Variants in RAB37 observed in about 807,000 individuals in gnomAD.
RAB37 encodes RAB37, member RAS oncogene family.
A neutral mutation model predicts 33.1 loss-of-function variants in RAB37; 29 were observed. That is an observed-to-expected ratio of 0.88 (90% CI 0.65 to 1.20). The LOEUF is 1.20. Ranked by LOEUF, RAB37 falls within the 50% of genes most tolerant of loss-of-function variation. The pLI, the probability that RAB37 is intolerant of heterozygous loss-of-function variation, is 0.00. For missense variants in RAB37, 299 were observed against 301.1 expected (o/e 0.99, Z 0.05); for synonymous variants, 128 against 119.5 (o/e 1.07, Z -0.47).
At chr17:74,698,528 C>A in intron 1 of RAB37, 1 of 1,568,242 alleles carries the variant, frequency 6.4e-7, no homozygotes. Flanking sequence ...TCACCACCTG[C>A]CTCTCAGCCC....
At chr17:74,737,389 C>G (rs1285438742) in intron 1 of RAB37, 24 bp downstream of exon 1, 1 of 1,538,684 alleles carries the variant, frequency 6.5e-7, no homozygotes, top group Non-Finnish European at 8.7e-7. Flanking sequence ...TTCCGTGAGA[C>G]CCCCGCCCTC....
Position 74,738,802 on chromosome 17 carries a change from C to T in RAB37, c.93+1437C>T, listed in dbSNP as rs1378026634. Among the ~76,000 whole-genome samples, 7 of 152,306 alleles carry T rather than the reference C, an allele frequency of 4.6e-5. No individual in the cohort carries two copies. In the East Asian group the frequency reaches 1.4e-3, roughly 29 times the overall value. On this transcript the variant is annotated intron_variant, in intron 1 of 8. Coordinates refer to ENST00000392613, the MANE Select transcript of RAB37 (RefSeq NM_001006638.3). This position sits in a 1 kb window ranked among gnomAD's most constrained non-coding sequence, Gnocchi z 5.0. ...TCCAGGACCCTCTGAGAAAGCCTGG[C>T]AGGAGCTCCTTGGACCAGACTAGGG...
intron 1 of RAB37, among the ~76,000 whole-genome samples, chr17:74,683,333 T>C (rs142826965): frequency 1.6e-3 from 243 of 152,302 alleles, no homozygotes; most frequent in African/African-American, 5.6e-3. Flanking sequence ...TTCAGGAAGC[T>C]GACGGAGCTC....
At position 74,703,489 on chromosome 17, in the gene RAB37, A is replaced by C. The variant is rs149714788; in HGVS notation, c.73-25767A>C. 4.9e-4 allele frequency among the ~76,000 whole-genome samples: 74 copies of C among 152,288 alleles called. No homozygotes were observed. In the East Asian group the frequency reaches 0.013, roughly 27 times the overall value. On this transcript the variant is annotated intron_variant, in intron 1 of 7. Transcript: ENST00000340415. ...ACCCCCAGCCCTATTTATCCAGCAA[A>C]AACAGGAGCAGAGTGGGAACTTGCA...
At chr17:74,673,170 C>T (rs948622368) in intron 1 of RAB37, among the ~76,000 whole-genome samples, 12 of 152,110 alleles carry the variant, frequency 7.9e-5, no homozygotes, top group Admixed American at 4.6e-4. Flanking sequence ...TTTGGGAGGC[C>T]GAGGCGGTGG....
chr17:74,702,561 A>C (rs1159597066), intron 1 of RAB37, among the ~76,000 whole-genome samples: 1 of 152,092 alleles, frequency 6.6e-6, no homozygotes, highest in East Asian at 1.9e-4. Context: ...TCAGAGGAAA[A>C]TTAAGGGAAA....
At chr17:74,681,364 C>T (rs1171994933) in intron 1 of RAB37, among the ~76,000 whole-genome samples, 2 of 152,178 alleles carry the variant, frequency 1.3e-5, no homozygotes, top group African/African-American at 4.8e-5. Flanking sequence ...GCTCTGAGCC[C>T]CTCAACACAG....
chr17:74,744,874 C>A lies in RAB37; in HGVS notation c.434C>A (p.Ala145Glu), dbSNP rs748208881. 5 of 1,614,246 alleles carry A rather than the reference C, an allele frequency of 3.1e-6. No individual in the cohort carries two copies. In the South Asian group the frequency reaches 4.4e-5, roughly 14 times the overall value. The change falls in exon 7 of 9, where the codon GCG becomes GAG. Residue 145 changes from alanine to glutamate, a missense_variant and splice_region_variant. Physicochemically the swap from Ala to Glu is moderately radical, Grantham distance 107 (BLOSUM62 -1). Transcript: ENST00000392613. This position sits in a 1 kb window ranked among gnomAD's most constrained non-coding sequence, Gnocchi z 4.2. ...GAGTGACCCATTTGGGCTTGACAGG[C>A]GGATATGAGCAGCGAAAGAGTGATC... The part of the protein sequence containing the change: ...DVVIMLLGNK[A>E]DMSSERVIRS...
At chr17:74,719,246 G>A (rs763365688) in intron 1 of RAB37, among the ~76,000 whole-genome samples, 5 of 152,072 alleles carry the variant, frequency 3.3e-5, no homozygotes, top group Middle Eastern at 3.4e-3. Context: ...CCAGGAGATC[G>A]AGACCAGCCT....
Position 74,729,197 on chromosome 17 carries a change from A to T in RAB37, c.73-59A>T. 8.3e-7 allele frequency: 1 copy of T among 1,205,968 alleles called. No individual in the cohort carries two copies. The highest frequency in any genetic ancestry group is 1.7e-5 in the Admixed American group (1 of 59,330). The allele number at this position is 1,205,968 out of a possible 1,614,324, so 74.7% of individuals were successfully genotyped here. A position where few individuals can be genotyped will look rare whatever the true frequency, so the allele number is the denominator to read the frequency against. ...AATCCACTCCCACAGCCACAAGGAC[A>T]CCTCTGAGGCCAACTCACATCACAG... On this transcript the variant is annotated intron_variant, in intron 1 of 7. Transcript: ENST00000340415. This position sits in a 1 kb window ranked among gnomAD's most constrained non-coding sequence, Gnocchi z 4.2.
intron 1 of RAB37, among the ~76,000 whole-genome samples, chr17:74,717,598 C>T (rs1015489341): frequency 7.9e-5 from 12 of 151,926 alleles, no homozygotes; most frequent in Middle Eastern, 6.8e-3. Flanking sequence ...CACCTGAGGT[C>T]GGGAGGGAGT....
At chr17:74,672,741 C>A (rs1240599354) in intron 1 of RAB37, 1 of 152,212 alleles carries the variant, frequency 6.6e-6, no homozygotes, top group African/African-American at 2.4e-5. Context: ...GTCCATGGAC[C>A]AGCAGCATTG....
chr17:74,690,253 C>T (rs2032135125), intron 1 of RAB37, among the ~76,000 whole-genome samples: 1 of 152,188 alleles, frequency 6.6e-6, no homozygotes, highest in South Asian at 2.1e-4. Flanking sequence ...AACCACGATG[C>T]CTGGCCTGGA....
chr17:74,711,761 T>G (rs2033978702), intron 1 of RAB37, among the ~76,000 whole-genome samples: 1 of 152,180 alleles, frequency 6.6e-6, no homozygotes, highest in African/African-American at 2.4e-5. Context: ...GGGGGTTGTT[T>G]CAGCCCACCT....
chr17:74,705,546 T>G (rs1161343239), intron 1 of RAB37, among the ~76,000 whole-genome samples: 1 of 152,184 alleles, frequency 6.6e-6, no homozygotes, highest in Non-Finnish European at 1.5e-5. Flanking sequence ...AAAGCAGGTA[T>G]TATAGACAGT....
At position 74,742,093 on chromosome 17, in the gene RAB37, G is replaced by A. The variant is rs1049799603; in HGVS notation, c.205-161G>A. On this transcript the variant is annotated intron_variant, in intron 2 of 8. Coordinates refer to ENST00000392613, the MANE Select transcript of RAB37 (RefSeq NM_001006638.3). The surrounding 1 kb of genome is among the most constrained non-coding windows in gnomAD (Gnocchi z 4.0). The stretch of plus-strand genomic sequence containing the variant: ...ACGACTCCACAGTGGAGGTGTCTGG[G>A]TATGGGGTTCCTGCTGCCCTGATGG... Among the ~76,000 whole-genome samples the A allele has an allele frequency of 3.3e-5, 5 of 152,198 alleles. No homozygotes were observed. The highest frequency in any genetic ancestry group is 1.2e-4 in the African/African-American group (5 of 41,452).
At chr17:74,732,368 G>A (rs192425035), upstream of RAB37, among the ~76,000 whole-genome samples, 14 of 151,326 alleles carry the variant, frequency 9.3e-5, no homozygotes, top group East Asian at 2.1e-3. Flanking sequence ...CCCACATCCC[G>A]ACCCTGTGCT....
At chr17:74,743,436 G>A in intron 5 of RAB37, 96 bp downstream of exon 5, 2 of 1,235,094 alleles carry the variant, frequency 1.6e-6, no homozygotes, top group East Asian at 2.3e-5. Context: ...AGCGGGTGGA[G>A]CGTGGAGTCC....
chr17:74,685,296 C>T (rs1276420036), intron 1 of RAB37, among the ~76,000 whole-genome samples: 6 of 151,996 alleles, frequency 3.9e-5, no homozygotes, highest in African/African-American at 1.5e-4. Context: ...GCGATTCTCC[C>T]ACCTCAGCCT....
Sources: allele counts gnomAD v4.1 joint callset (sites outside exome capture counted in the v4.1 genomes callset), GRCh38; gene constraint gnomAD v4.1.1; non-coding constraint Gnocchi (gnomAD v3.1); transcripts MANE v1.5; gene names NCBI Gene and HGNC (gene_info 2026-07-23, HGNC 2026-07-21).